Variants in USP40 observed in about 807,000 individuals in gnomAD.
USP40 encodes ubiquitin carboxyl-terminal hydrolase 40.
USP40 carries 143 observed loss-of-function variants against 166.2 expected under a neutral mutation model. The ratio of observed to expected loss-of-function variants is 0.86; its 90% CI spans 0.75 to 0.99. The LOEUF is 0.99. Among genes scored for constraint, USP40 ranks in the 50% least tolerant of loss-of-function variants. The pLI, the probability that USP40 is intolerant of heterozygous loss-of-function variation, is 0.00. For synonymous variants in USP40, 498 were observed against 524.0 expected (o/e 0.95, Z 0.68); for missense variants, 1,444 against 1,479.7 (o/e 0.98, Z 0.40).
At chr2:233,497,682 C>T (rs2065827138) in intron 23 of USP40, among the ~76,000 whole-genome samples, 1 of 152,204 alleles carries the variant, frequency 6.6e-6, no homozygotes, top group South Asian at 2.1e-4. Flanking sequence ...GAAGAAAATG[C>T]TGAAGCTATT....
chr2:233,507,814 A>G (rs981987302), intron 21 of USP40, among the ~76,000 whole-genome samples: 8 of 152,134 alleles, frequency 5.3e-5, no homozygotes, highest in African/African-American at 1.7e-4. Flanking sequence ...ATTGTATATT[A>G]AAAAATAGTT....
Position 233,493,470 on chromosome 2 carries a change from A to C in USP40, c.2872T>G (p.Cys958Gly), listed in dbSNP as rs2065478963. ...HWESHQDQTN[C>G]TSSWGRVWRA... ...CAAACTCTGCCCCAAGACGAAGTAC[A>C]GTTGGTCTGGTCCTGATGACTCTCC... The change falls in exon 25 of 32, where the codon TGT (cysteine) becomes GGT (glycine). Residue 958 changes from cysteine (C) to glycine (G), a missense_variant. Cys to Gly is a radical substitution (Grantham distance 159). Coordinates refer to ENST00000678225, the MANE Select transcript of USP40 (RefSeq NM_001365479.2). The surrounding 1 kb of genome is among the most constrained non-coding windows in gnomAD (Gnocchi z 4.7). 1.9e-6 allele frequency: 3 copies of C among 1,613,978 alleles called. No individual in the cohort carries two copies. The highest frequency in any genetic ancestry group is 1.7e-6 in the Non-Finnish European group (2 of 1,179,888).
intron 30 of USP40, chr2:233,481,506 T>G: frequency 1.8e-6 from 1 of 567,662 alleles, no homozygotes; most frequent in South Asian, 2.2e-5. Flanking sequence ...GAAATTAATT[T>G]CCAGCCATCT....
At chr2:233,543,820 T>G (rs1436001287) in intron 8 of USP40, among the ~76,000 whole-genome samples, 1 of 152,208 alleles carries the variant, frequency 6.6e-6, no homozygotes, top group Non-Finnish European at 1.5e-5. Flanking sequence ...CTGAATGGAC[T>G]AAGACACCGA....
chr2:233,560,937 A>G, intron 3 of USP40: 1 of 688,404 alleles, frequency 1.5e-6, no homozygotes, highest in Non-Finnish European at 2.7e-6. Context: ...AAAGAGTGTT[A>G]CATGTTTATA....
rs529987092 is a variant in USP40 at position 233,540,667 on chromosome 2, G to T, written c.1165C>A (p.Arg389=). ...KKYRKQHGPL[R]KFLQLHSQIF... is the part of the protein sequence containing the mutation. ...AAAACGATGCCATGTATTACCTTCC[G>T]CAGTGGTCCATGCTGTTTTCTGTAC... Residue 389 remains arginine, a synonymous_variant, in exon 10 of 32, where the codon CGG becomes AGG. Transcript: ENST00000678225. 6.2e-7 allele frequency: 1 copy of T among 1,606,742 alleles called. No individual in the cohort carries two copies. Among genetic ancestry groups the T allele is most frequent in the Non-Finnish European group, 8.5e-7 (1 of 1,175,046 alleles).
rs1575229289 is a variant in USP40 at position 233,493,247 on chromosome 2, A to G, written c.2917+178T>C. On this transcript the variant is annotated intron_variant, in intron 25 of 31. Transcript: ENST00000678225. The surrounding 1 kb of genome is among the most constrained non-coding windows in gnomAD (Gnocchi z 4.7). ...TTTACAGAGGTTACAGAGCACGTAC[A>G]GAAATGGCACAGTGTTATTATTATG... is the stretch of plus-strand genomic sequence containing the variant. 4 of 816,868 alleles carry G rather than the reference A, an allele frequency of 4.9e-6. No individual in the cohort carries two copies. The East Asian group carries it at 1.1e-4, about 22-fold the overall frequency. 50.6% of individuals were successfully genotyped at this position (816,868 alleles called of 1,614,324 possible). A position where few individuals can be genotyped will look rare whatever the true frequency, so the allele number is the denominator to read the frequency against.
At chr2:233,500,941 A>G (rs775988173) in intron 21 of USP40, among the ~76,000 whole-genome samples, 1 of 152,228 alleles carries the variant, frequency 6.6e-6, no homozygotes, top group Non-Finnish European at 1.5e-5. Context: ...TTCTAGAGAA[A>G]GGACTAGAAT....
At position 233,496,760 on chromosome 2, in the gene USP40, G is replaced by C. The variant is rs1396410854; in HGVS notation, c.2788C>G (p.Leu930Val). Residue 930 changes from leucine to valine, a missense_variant and splice_region_variant, in exon 24 of 32, where the codon CTG (leucine) becomes GTG (valine). By Grantham distance (32) the Leu-to-Val change is conservative. Transcript: ENST00000678225. ...TCTATTCAGAAGTAAAATCTTACCA[G>C]AGGAGGAAGTTGTCCTTCAATTAAA... ...LLLIEGQLPP[L>V]GFLKVPIWWY... The C allele has an allele frequency of 6.2e-7, 1 of 1,611,298 alleles. No individual in the cohort carries two copies. The highest frequency in any genetic ancestry group is 1.7e-5 in the Admixed American group (1 of 59,922).
rs961964705 is a variant in USP40 at position 233,480,942 on chromosome 2, C to T, written c.3599+261G>A. ...GCGGGTGAGGAGGAAGGAGGGGGAC[C>T]GGGGGGCCATGGATCTGCGGGCTCC... On this transcript the variant is annotated intron_variant, in intron 31 of 31. Transcript: ENST00000678225. The surrounding 1 kb of genome is among the most constrained non-coding windows in gnomAD (Gnocchi z 4.5). 1.3e-5 allele frequency among the ~76,000 whole-genome samples: 2 copies of T among 152,010 alleles called. No individual in the cohort carries two copies. Among genetic ancestry groups the T allele is most frequent in the Non-Finnish European group, 2.9e-5 (2 of 67,978 alleles).
At chr2:233,554,207 A>G (rs1020707644) in intron 6 of USP40, 173 bp downstream of exon 6, 15 of 674,942 alleles carry the variant, frequency 2.2e-5, no homozygotes, top group Non-Finnish European at 3.2e-5. Context: ...TGTTGGGTTG[A>G]AAGCCTTAAA....
chr2:233,491,009 G>A (rs987845574), intron 26 of USP40, 158 bp downstream of exon 26: 4 of 724,118 alleles, frequency 5.5e-6, no homozygotes, highest in East Asian at 2.7e-5. Flanking sequence ...CACCATGGGC[G>A]TGTATTGCCT....
In USP40 at chr2:233,560,999, T is replaced by G. The variant is rs538142457; in HGVS notation, c.268-1075A>C. The G allele has an allele frequency of 9.3e-6, 8 of 864,520 alleles. No homozygotes were observed. In the South Asian group the frequency reaches 1.0e-4, roughly 11 times the overall value. 53.6% of individuals were successfully genotyped at this position (864,520 alleles called of 1,614,324 possible). ...AACTGATTCTTTCTCGGAAGGCAAA[T>G]TCCATTACCCATAGGGTATAGGCCA... On this transcript the variant is annotated intron_variant, in intron 3 of 31. Coordinates refer to ENST00000678225, the MANE Select transcript of USP40 (RefSeq NM_001365479.2).
intron 10 of USP40, among the ~76,000 whole-genome samples, chr2:233,537,938 G>A (rs1019270055): frequency 3.3e-5 from 5 of 152,226 alleles, no homozygotes; most frequent in African/African-American, 9.6e-5. Context: ...TCACTAAAGT[G>A]TTTAAGCAGA....
Position 233,551,479 on chromosome 2 carries a change from G to C in USP40, c.734C>G (p.Ser245Ter). ...LRKLPPFLTV[S>*]LLRFNFDFVK... ...AAAATCAAAATTAAATCTTAGTAAT[G>C]AAACAGTAAGAAAAGGAGGCAGCTT... Residue 245 changes from serine (S) to a stop codon, truncating the protein, a stop_gained, in exon 7 of 32, where the codon TCA becomes TGA. Coordinates refer to ENST00000678225, the MANE Select transcript of USP40 (RefSeq NM_001365479.2). LOFTEE classifies it high-confidence loss of function. 2 of 1,607,012 alleles carry C rather than the reference G, an allele frequency of 1.2e-6. No homozygotes were observed. The highest frequency in any genetic ancestry group is 1.1e-5 in the South Asian group (1 of 89,010).
At chr2:233,564,576 C>T (rs2071965419) in intron 2 of USP40, among the ~76,000 whole-genome samples, 2 of 152,084 alleles carry the variant, frequency 1.3e-5, no homozygotes, top group Non-Finnish European at 2.9e-5. Context: ...CTTACAATAA[C>T]CCCCCTTTTA....
In USP40 at chr2:233,545,079, C is replaced by T. The variant is rs1163054537; in HGVS notation, c.967-2716G>A. Among the ~76,000 whole-genome samples the T allele has an allele frequency of 2.0e-5, 3 of 152,112 alleles. No individual in the cohort carries two copies. The East Asian group carries it at 5.8e-4, about 29-fold the overall frequency. ...TTAAAAAGCAAACAAACAAGCAAAG[C>T]AAGAAGCCTACAGTCCACAATACTA... On this transcript the variant is annotated intron_variant, in intron 8 of 31. Transcript: ENST00000678225.
chr2:233,489,701 T>G, intron 26 of USP40: 1 of 468,394 alleles, frequency 2.1e-6, no homozygotes, highest in Non-Finnish European at 3.8e-6. Flanking sequence ...GAAATCACCT[T>G]GAGAAAGAAG....
At chr2:233,559,788 C>A in intron 4 of USP40, 23 bp downstream of exon 4, 1 of 1,537,724 alleles carries the variant, frequency 6.5e-7, no homozygotes, top group East Asian at 2.3e-5. Flanking sequence ...GGTAACTCTT[C>A]CTTAAAGAGC....
Sources: gnomAD v4.1 joint callset for allele counts (sites outside exome capture counted in the v4.1 genomes callset) on GRCh38, gnomAD v4.1.1 for gene constraint, Gnocchi (gnomAD v3.1) non-coding constraint, MANE v1.5 for transcripts, NCBI Gene and HGNC (gene_info 2026-07-23, HGNC 2026-07-21) for gene names.